CCDC88A: variants seen among roughly 807,000 people sequenced by gnomAD.
CCDC88A encodes the protein coiled-coil and HOOK domain protein 88A, also known as girdin.
A neutral mutation model predicts 234.3 loss-of-function variants in CCDC88A; 54 were observed. The ratio of observed to expected loss-of-function variants is 0.23; its 90% CI spans 0.19 to 0.29. The LOEUF (loss-of-function observed/expected upper bound fraction) is 0.29, where lower values mean the gene tolerates loss of function less well. Ranked by LOEUF, CCDC88A falls within the 10% of genes least tolerant of loss-of-function variation. The pLI is 1.00. For synonymous variants in CCDC88A, 753 were observed against 737.8 expected, an observed-to-expected ratio of 1.02 and a Z score of -0.33; for missense variants, 1,832 against 2,123.4, an observed-to-expected ratio of 0.86 and a Z score of 2.70.
At chr2:55,364,059 T>C (rs565312603) in intron 5 of CCDC88A, 26 bp from the exon 6 acceptor site, 52 of 1,147,804 alleles carry the variant, frequency 4.5e-5, no homozygotes, top group Non-Finnish European at 6.0e-5. Context: ...AAAATAGTTA[T>C]TCATACTTTA....
intron 18 of CCDC88A, among the ~76,000 whole-genome samples, chr2:55,319,880 T>C (rs556590194): frequency 3.3e-5 from 5 of 152,272 alleles, no homozygotes; most frequent in South Asian, 2.1e-4. Context: ...AAGGTCATAA[T>C]TGGTCTACCC....
At chr2:55,365,489 C>T (rs72924917) in intron 5 of CCDC88A, among the ~76,000 whole-genome samples, 1 of 152,038 alleles carries the variant, frequency 6.6e-6, no homozygotes, top group Non-Finnish European at 1.5e-5. Context: ...ATTCAACTGC[C>T]GTATCTTTCT....
chr2:55,353,129 T>C (rs1413653261), intron 8 of CCDC88A, among the ~76,000 whole-genome samples: 3 of 152,220 alleles, frequency 2.0e-5, no homozygotes, highest in Non-Finnish European at 2.9e-5. Context: ...TTCTAATCAG[T>C]ATTAGAAAAC....
intron 4 of CCDC88A, among the ~76,000 whole-genome samples, chr2:55,373,328 C>T (rs989043864): frequency 6.6e-6 from 1 of 152,150 alleles, no homozygotes; most frequent in Non-Finnish European, 1.5e-5. Context: ...CTTAATACTA[C>T]TCCCTCTGTC....
At chr2:55,336,278 G>C (rs1379676044) in intron 14 of CCDC88A, among the ~76,000 whole-genome samples, 3 of 152,042 alleles carry the variant, frequency 2.0e-5, no homozygotes, top group African/African-American at 7.2e-5. Context: ...GAACATTAAA[G>C]AGCTGAAAAC....
intron 5 of CCDC88A, among the ~76,000 whole-genome samples, chr2:55,364,456 C>T (rs1343516578): frequency 6.6e-6 from 1 of 152,076 alleles, no homozygotes; most frequent in African/African-American, 2.4e-5. Flanking sequence ...TACCAAACAA[C>T]ACAGCCTTTC....
chr2:55,320,322 T>C (rs1683467240), intron 18 of CCDC88A, among the ~76,000 whole-genome samples: 1 of 152,090 alleles, frequency 6.6e-6, no homozygotes, highest in Non-Finnish European at 1.5e-5. Context: ...TAAAAAAAAT[T>C]CCTATAGTCT....
intron 18 of CCDC88A, among the ~76,000 whole-genome samples, chr2:55,321,448 G>C (rs895486720): frequency 2.0e-5 from 3 of 152,218 alleles, no homozygotes; most frequent in Admixed American, 2.0e-4. Context: ...CTACTCGGGA[G>C]GCTGAGGCAG....
Position 55,318,993 on chromosome 2 carries a change from C to G in CCDC88A, c.3174G>C (p.Leu1058=), listed in dbSNP as rs201680590. 1 of 1,612,450 alleles carries G rather than the reference C, an allele frequency of 6.2e-7. No individual in the cohort carries two copies. Among genetic ancestry groups the G allele is most frequent in the African/African-American group, 1.3e-5 (1 of 74,992 alleles). Reference sequence around the variant, plus strand: ...TTTTCAACGCTTGCTTCTCTGCTTGCAGTGTAGCATTCTTGAAAAACAAAA... The same window carrying G: ...TTTTCAACGCTTGCTTCTCTGCTTGGAGTGTAGCATTCTTGAAAAACAAAA... The part of the protein sequence containing the change: ...LIEVERNNAT[L]QAEKQALKTQ... The change falls in exon 19 of 33, where the codon CTG becomes CTC. Residue 1058 remains leucine, a synonymous_variant. Coordinates refer to ENST00000436346, the MANE Select transcript of CCDC88A (RefSeq NM_001365480.1).
intron 7 of CCDC88A, among the ~76,000 whole-genome samples, chr2:55,357,539 ATT>A (rs1670753943): frequency 6.6e-6 from 1 of 151,986 alleles, no homozygotes; most frequent in South Asian, 2.1e-4. Flanking sequence ...CTCTAAACCA[ATT>A]TCTCAGGTTT....
chr2:55,377,930 A>G (rs1558773368), intron 3 of CCDC88A, among the ~76,000 whole-genome samples: 1 of 151,952 alleles, frequency 6.6e-6, no homozygotes, highest in Non-Finnish European at 1.5e-5. Context: ...TTTAACAGAC[A>G]CTGAATTTTT....
At chr2:55,385,013 G>A (rs557367299) in intron 3 of CCDC88A, among the ~76,000 whole-genome samples, 1 of 152,158 alleles carries the variant, frequency 6.6e-6, no homozygotes, top group Non-Finnish European at 1.5e-5. Flanking sequence ...CAACAAATCT[G>A]CTCTGAAGCA....
In CCDC88A at chr2:55,349,559, G is replaced by T. The variant is rs1180510831; in HGVS notation, c.841C>A (p.Leu281Ile). 8 of 1,612,702 alleles carry T rather than the reference G, an allele frequency of 5.0e-6. No homozygotes were observed. In the Admixed American group the frequency reaches 1.2e-4, roughly 24 times the overall value. The change falls in exon 9 of 33, where the codon CTT (leucine) becomes ATT (isoleucine). Residue 281 changes from leucine (L) to isoleucine (I), a missense_variant. By Grantham distance (5) the Leu-to-Ile change is conservative. Around this residue, in one of 6 missense-constraint regions of CCDC88A, gnomAD observed 1,282 missense variants for 1,543.6 expected, o/e 0.83. Transcript: ENST00000436346. Reference protein sequence around the residue: ...TEQLLDCKQELEQMEIELKRL... With the variant: ...TEQLLDCKQEIEQMEIELKRL... The stretch of plus-strand genomic sequence containing the variant: ...TTGAGTTCTATTTCCATTTGCTCAA[G>T]TTCTTGTTTACAATCCAACAACTGC...
At chr2:55,349,015 G>A (rs1669534876) in intron 9 of CCDC88A, 1 of 152,480 alleles carries the variant, frequency 6.6e-6, no homozygotes, top group Non-Finnish European at 1.5e-5. Context: ...GATTGTAAAA[G>A]TGAACTATTA....
chr2:55,409,063 T>C (rs1338870820), intron 2 of CCDC88A, among the ~76,000 whole-genome samples: 2 of 152,226 alleles, frequency 1.3e-5, no homozygotes, highest in Non-Finnish European at 2.9e-5. Context: ...TACTCAACCA[T>C]GCTATGCTCA....
chr2:55,367,528 G>GTTTTTTTTTTTTTTTTTTTTTTTTTTT lies in CCDC88A; in HGVS notation c.403-3496_403-3495insAAAAAAAAAAAAAAAAAAAAAAAAAAA. ...TTGCTAGAAATTGTTTTATTTCCTT[G>GTTTTTTTTTTTTTTTTTTTTTTTTTTT]TTTTTTTTTAAGAGACTGGGTCTTG... is the stretch of plus-strand genomic sequence containing the variant. On this transcript the variant is annotated intron_variant, in intron 5 of 32. Coordinates refer to ENST00000436346, the MANE Select transcript of CCDC88A (RefSeq NM_001365480.1). 9.0e-3 allele frequency among the ~76,000 whole-genome samples: 897 copies of GTTTTTTTTTTTTTTTTTTTTTTTTTTT among 99,718 alleles called. 123 individuals are homozygous for GTTTTTTTTTTTTTTTTTTTTTTTTTTT. Among genetic ancestry groups the GTTTTTTTTTTTTTTTTTTTTTTTTTTT allele is most frequent in the African/African-American group, 0.028 (660 of 23,268 alleles). 65.4% of individuals were successfully genotyped at this position (99,718 alleles called of 152,430 possible). A position where few individuals can be genotyped will look rare whatever the true frequency, so the allele number is the denominator to read the frequency against.
At chr2:55,374,548 A>G (rs1359441156) in intron 4 of CCDC88A, among the ~76,000 whole-genome samples, 2 of 152,182 alleles carry the variant, frequency 1.3e-5, no homozygotes, top group Non-Finnish European at 2.9e-5. Flanking sequence ...ACTTCTCTAT[A>G]ATGAGACACT....
At chr2:55,307,373 T>C (rs909649141) in intron 25 of CCDC88A, among the ~76,000 whole-genome samples, 2 of 151,676 alleles carry the variant, frequency 1.3e-5, no homozygotes, top group Non-Finnish European at 2.9e-5. Flanking sequence ...TTTTTTTTTT[T>C]TTTGAGAGAG....
At chr2:55,318,253 A>G (rs933538553) in intron 19 of CCDC88A, among the ~76,000 whole-genome samples, 2 of 152,184 alleles carry the variant, frequency 1.3e-5, no homozygotes, top group African/African-American at 2.4e-5. Flanking sequence ...TCCAAATTAA[A>G]TAAGTATTTT....
Sources: allele counts gnomAD v4.1 joint callset (sites outside exome capture counted in the v4.1 genomes callset), GRCh38; gene constraint gnomAD v4.1.1; regional missense constraint gnomAD v4.1.1; transcripts MANE v1.5; gene names NCBI Gene and HGNC (gene_info 2026-07-23, HGNC 2026-07-21).